TECRL: variants seen among roughly 807,000 people sequenced by gnomAD.
TECRL encodes the protein trans-2,3-enoyl-CoA reductase like, also known as trans-2,3-enoyl-CoA reductase-like.
TECRL carries 63 observed loss-of-function variants against 52.8 expected under a neutral mutation model. The observed-to-expected ratio is 1.19, with a 90% CI of 0.97 to 1.47. The LOEUF is 1.47. TECRL is among the 40% of genes most tolerant of loss of function. The pLI is 0.00. For missense variants in TECRL, 482 were observed against 429.6 expected (o/e 1.12, Z -1.08); for synonymous variants, 164 against 141.9 (o/e 1.16, Z -1.10).
At chr4:64,345,155 C>T (rs1181427197) in intron 2 of TECRL, among the ~76,000 whole-genome samples, 1 of 152,072 alleles carries the variant, frequency 6.6e-6, no homozygotes, top group African/African-American at 2.4e-5. Flanking sequence ...GTGGCAATTC[C>T]TCAGGGATCT....
intron 2 of TECRL, among the ~76,000 whole-genome samples, chr4:64,344,347 C>A (rs2109542625): frequency 6.6e-6 from 1 of 151,906 alleles, no homozygotes; most frequent in South Asian, 2.1e-4. Context: ...GATATAAAGA[C>A]ATGATATTTG....
intron 2 of TECRL, among the ~76,000 whole-genome samples, chr4:64,370,109 T>C (rs1721880290): frequency 6.6e-6 from 1 of 151,892 alleles, no homozygotes; most frequent in South Asian, 2.1e-4. Context: ...GGTATAGGAA[T>C]ACTTTGCATA....
At chr4:64,304,295 A>G (rs969856198) in intron 7 of TECRL, among the ~76,000 whole-genome samples, 1 of 151,996 alleles carries the variant, frequency 6.6e-6, no homozygotes, top group African/African-American at 2.4e-5. Context: ...GTTAGTATTA[A>G]GACCAGCTGA....
chr4:64,284,794 G>A (rs1343967543), intron 9 of TECRL, among the ~76,000 whole-genome samples: 3 of 152,064 alleles, frequency 2.0e-5, no homozygotes, highest in Non-Finnish European at 4.4e-5. Flanking sequence ...ATAAATTATA[G>A]ATGAATAGTT....
intron 10 of TECRL, 47 bp from the exon 11 acceptor site, chr4:64,281,133 T>G (rs1285298943): frequency 6.7e-7 from 1 of 1,483,898 alleles, no homozygotes; most frequent in Non-Finnish European, 9.3e-7. Context: ...TGGAATCTAG[T>G]AATTTGTTCA....
chr4:64,391,644 A>G (rs1238140675), intron 1 of TECRL, among the ~76,000 whole-genome samples: 1 of 151,890 alleles, frequency 6.6e-6, no homozygotes, highest in Non-Finnish European at 1.5e-5. Flanking sequence ...TATTCTCAAT[A>G]TTATTGACTA....
At chr4:64,392,313 T>C (rs997895608) in intron 1 of TECRL, among the ~76,000 whole-genome samples, 2 of 151,886 alleles carry the variant, frequency 1.3e-5, no homozygotes, top group Non-Finnish European at 2.9e-5. Context: ...TTAAAAACCA[T>C]AATAAAAATA....
At chr4:64,363,947 C>A (rs1393985715) in intron 2 of TECRL, among the ~76,000 whole-genome samples, 2 of 152,120 alleles carry the variant, frequency 1.3e-5, no homozygotes, top group African/African-American at 4.8e-5. Flanking sequence ...TAATACTGCA[C>A]CCCTAAAAAT....
intron 2 of TECRL, among the ~76,000 whole-genome samples, chr4:64,341,445 C>CA (rs1407753126): frequency 1.3e-5 from 2 of 151,976 alleles, no homozygotes; most frequent in East Asian, 1.9e-4. Flanking sequence ...ACTAAAAATA[C>CA]AAAAATTAGC....
chr4:64,335,735 C>A (rs917146409), intron 2 of TECRL, among the ~76,000 whole-genome samples: 1 of 152,130 alleles, frequency 6.6e-6, no homozygotes, highest in Non-Finnish European at 1.5e-5. Context: ...ATTTATATTT[C>A]ATAATAAATT....
At chr4:64,341,441 A>T (rs985544028) in intron 2 of TECRL, among the ~76,000 whole-genome samples, 2 of 152,192 alleles carry the variant, frequency 1.3e-5, no homozygotes, top group East Asian at 3.9e-4. Context: ...CTCTACTAAA[A>T]ATACAAAAAT....
chr4:64,366,726 T>A (rs565576686), intron 2 of TECRL, among the ~76,000 whole-genome samples: 1 of 152,214 alleles, frequency 6.6e-6, no homozygotes, highest in African/African-American at 2.4e-5. Flanking sequence ...TCAAAATGGC[T>A]ATTGTTAAAA....
At chr4:64,338,623 G>C (rs536895077) in intron 2 of TECRL, among the ~76,000 whole-genome samples, 64 of 152,208 alleles carry the variant, frequency 4.2e-4, no homozygotes, top group African/African-American at 1.5e-3. Context: ...GTGGGCAAAG[G>C]ATATGAACAG....
intron 2 of TECRL, among the ~76,000 whole-genome samples, chr4:64,362,827 G>A (rs1412665378): frequency 6.6e-6 from 1 of 151,876 alleles, no homozygotes; most frequent in Admixed American, 6.6e-5. Context: ...CATGAAGACA[G>A]GATTATATCC....
At chr4:64,403,949 C>T (rs866154245) in intron 1 of TECRL, among the ~76,000 whole-genome samples, 1 of 151,938 alleles carries the variant, frequency 6.6e-6, no homozygotes, top group African/African-American at 2.4e-5. Context: ...AAGGCAGATA[C>T]TATTCCCATT....
intron 2 of TECRL, among the ~76,000 whole-genome samples, chr4:64,347,070 T>C (rs2109555918): frequency 6.6e-6 from 1 of 152,154 alleles, no homozygotes; most frequent in South Asian, 2.1e-4. Context: ...CTCACAAGAG[T>C]GGGCCATATA....
chr4:64,368,914 G>C lies in TECRL; in HGVS notation c.286+6258C>G, dbSNP rs1185160130. ...CATTATTTGTATCCCCCAGCATTTT[G>C]GCAAAGATTTATATGCATTCCAACT... On this transcript the variant is annotated intron_variant, in intron 2 of 11. Coordinates refer to ENST00000381210, the MANE Select transcript of TECRL (RefSeq NM_001010874.5). Among the ~76,000 whole-genome samples, 4 of 152,110 alleles carry C rather than the reference G, an allele frequency of 2.6e-5. No homozygotes were observed. In the East Asian group the frequency reaches 7.7e-4, roughly 29 times the overall value.
intron 5 of TECRL, among the ~76,000 whole-genome samples, chr4:64,312,873 A>T (rs1717144913): frequency 6.6e-6 from 1 of 152,102 alleles, no homozygotes. Flanking sequence ...TATTTAGCCT[A>T]AAAAAAGAAC....
At chr4:64,406,713 A>C (rs182141841) in intron 1 of TECRL, among the ~76,000 whole-genome samples, 14 of 152,072 alleles carry the variant, frequency 9.2e-5, no homozygotes, top group African/African-American at 3.4e-4. Flanking sequence ...TGACTTTCTT[A>C]CTCCTTGATA....
Sources: allele counts gnomAD v4.1 joint callset (sites outside exome capture counted in the v4.1 genomes callset), GRCh38; gene constraint gnomAD v4.1.1; transcripts MANE v1.5; gene names NCBI Gene and HGNC (gene_info 2026-07-23, HGNC 2026-07-21).